RGS7: variants seen among roughly 807,000 people sequenced by gnomAD.
RGS7 encodes the protein regulator of G-protein signaling 7.
In RGS7, 27 loss-of-function variants were observed where a neutral mutation model predicts 81.1. That is an observed-to-expected ratio of 0.33 (90% CI 0.25 to 0.46). The LOEUF is 0.46. Ranked by LOEUF, RGS7 falls within the 20% of genes least tolerant of loss-of-function variation. RGS7 has a pLI of 1.00. For synonymous variants in RGS7, 208 were observed against 207.7 expected, an observed-to-expected ratio of 1.00 and a Z score of -0.01; for missense variants, 396 against 607.4, an observed-to-expected ratio of 0.65 and a Z score of 3.66.
intron 6 of RGS7, among the ~76,000 whole-genome samples, chr1:240,899,487 CA>C (rs1466166540): frequency 6.6e-6 from 1 of 152,140 alleles, no homozygotes; most frequent in Non-Finnish European, 1.5e-5. Flanking sequence ...CTGGTGGTGA[CA>C]AAATCTCTCA....
At chr1:240,897,242 C>T (rs1669239656) in intron 6 of RGS7, among the ~76,000 whole-genome samples, 1 of 152,186 alleles carries the variant, frequency 6.6e-6, no homozygotes, top group Non-Finnish European at 1.5e-5. Context: ...GACAATTTGA[C>T]TTCCTCTTTT....
At chr1:241,116,389 AG>A (rs1180662235) in intron 2 of RGS7, among the ~76,000 whole-genome samples, 2 of 152,148 alleles carry the variant, frequency 1.3e-5, no homozygotes, top group African/African-American at 4.8e-5. Context: ...ACTTAGGAAA[AG>A]GTACCGTATA....
intron 3 of RGS7, among the ~76,000 whole-genome samples, chr1:241,024,215 A>C (rs890179291): frequency 6.6e-6 from 1 of 152,250 alleles, no homozygotes; most frequent in South Asian, 2.1e-4. Context: ...ATAAGGAGGC[A>C]TGTGAAGCCT....
intron 2 of RGS7, among the ~76,000 whole-genome samples, chr1:241,174,311 T>C (rs2070947060): frequency 6.6e-6 from 1 of 152,230 alleles, no homozygotes; most frequent in Non-Finnish European, 1.5e-5. Context: ...GCAGTTTCTA[T>C]GTGTTACAAC....
At chr1:240,823,186 A>G in intron 10 of RGS7, 2 of 996,206 alleles carry the variant, frequency 2.0e-6, no homozygotes, top group African/African-American at 1.6e-5. Context: ...GAAGGTATGC[A>G]GGATAAGCGT....
chr1:241,236,118 G>T (rs1180037126), intron 2 of RGS7, among the ~76,000 whole-genome samples: 1 of 151,686 alleles, frequency 6.6e-6, no homozygotes, highest in African/African-American at 2.4e-5. Flanking sequence ...TTAAGAGAAA[G>T]TTACCAAGTG....
At chr1:241,040,554 T>C (rs56987125) in intron 3 of RGS7, among the ~76,000 whole-genome samples, 5,009 of 152,156 alleles carry the variant, frequency 0.033, 113 homozygotes, top group Non-Finnish European at 0.045. Flanking sequence ...CAGGCTGGAG[T>C]GCAGTGGCGC....
In RGS7 at chr1:240,868,429, T is replaced by C. The variant is rs1172458806; in HGVS notation, c.609+158A>G. ...ATACGATGCTATTGAGGTCTAGTCA[T>C]CCTACACAAAAGTGGTGATCTTTTC... On this transcript the variant is annotated intron_variant, in intron 9 of 18. Transcript: ENST00000440928. The surrounding 1 kb of genome is among the most constrained non-coding windows in gnomAD (Gnocchi z 5.1). 6.6e-6 allele frequency among the ~76,000 whole-genome samples: 1 copy of C among 152,182 alleles called. No individual in the cohort carries two copies. Among genetic ancestry groups the C allele is most frequent in the East Asian group, 1.9e-4 (1 of 5,184 alleles).
Position 241,310,464 on chromosome 1 carries a change from T to A in RGS7, c.78+45235A>T, listed in dbSNP as rs570683212. Reference sequence around the variant, plus strand: ...GTGTGTGAGTGTGTGTGTGTGAGAGTGTGTGTGTCTGTGTGTCTGTGTGTG... The same window carrying A: ...GTGTGTGAGTGTGTGTGTGTGAGAGAGTGTGTGTCTGTGTGTCTGTGTGTG... On this transcript the variant is annotated intron_variant, in intron 2 of 18. Transcript: ENST00000440928. Among the ~76,000 whole-genome samples the A allele has an allele frequency of 1.1e-3, 92 of 87,412 alleles. 2 individuals carry two copies. The highest frequency in any genetic ancestry group is 2.4e-3 in the African/African-American group (83 of 34,220). The allele number at this position is 87,412 out of a possible 152,430, so 57.3% of individuals were successfully genotyped here.
At chr1:240,982,599 G>T (rs1428602763) in intron 4 of RGS7, among the ~76,000 whole-genome samples, 2 of 151,926 alleles carry the variant, frequency 1.3e-5, no homozygotes, top group Non-Finnish European at 2.9e-5. Context: ...CTTAAATAGA[G>T]CGTTTCTCTC....
intron 4 of RGS7, among the ~76,000 whole-genome samples, chr1:240,944,252 T>G (rs1678105255): frequency 7.2e-6 from 1 of 138,210 alleles, no homozygotes; most frequent in Non-Finnish European, 1.5e-5. Context: ...AAGATTCTGT[T>G]ATATTATATG....
chr1:241,018,547 G>C (rs886605870), intron 3 of RGS7, among the ~76,000 whole-genome samples: 4 of 151,848 alleles, frequency 2.6e-5, no homozygotes, highest in Non-Finnish European at 5.9e-5. Context: ...TTGATTTGGG[G>C]GATATTCTTG....
rs80307458 is a variant in RGS7 at position 241,159,920 on chromosome 1, G to C, written c.79-61158C>G. Among the ~76,000 whole-genome samples, 1,881 of 152,004 alleles carry C rather than the reference G, an allele frequency of 0.012. 90 individuals are homozygous for C. The East Asian group carries it at 0.16, about 13-fold the overall frequency. On this transcript the variant is annotated intron_variant, in intron 2 of 18. Coordinates refer to ENST00000440928, the MANE Select transcript of RGS7 (RefSeq NM_001364886.1). ...CTTGGGTCATTTCATCATGCGTTTG[G>C]TAGAGCACTTACAACTTTATATTAA...
chr1:241,310,175 A>C (rs1466023361), intron 2 of RGS7, among the ~76,000 whole-genome samples: 1 of 152,200 alleles, frequency 6.6e-6, no homozygotes, highest in Non-Finnish European at 1.5e-5. Context: ...CTCCAGTCAA[A>C]CTTTCATTAC....
chr1:241,202,011 G>GACAGAC (rs1553282701), intron 2 of RGS7, among the ~76,000 whole-genome samples: 2 of 144,970 alleles, frequency 1.4e-5, no homozygotes, highest in African/African-American at 5.2e-5. Context: ...GACACACACA[G>GACAGAC]ACACACACAC....
At chr1:241,300,288 C>T (rs1462289041) in intron 2 of RGS7, among the ~76,000 whole-genome samples, 1 of 152,146 alleles carries the variant, frequency 6.6e-6, no homozygotes, top group Non-Finnish European at 1.5e-5. Flanking sequence ...TCATAATCAC[C>T]CGAAGTTCAT....
intron 2 of RGS7, among the ~76,000 whole-genome samples, chr1:241,269,645 A>T (rs2077767394): frequency 6.6e-6 from 1 of 152,206 alleles, no homozygotes; most frequent in Non-Finnish European, 1.5e-5. Context: ...GAAGGAGACA[A>T]ATTGAAAAGG....
At position 240,868,117 on chromosome 1, in the gene RGS7, G is replaced by GAAA. The variant is rs143103795; in HGVS notation, c.609+469_609+470insTTT. Among the ~76,000 whole-genome samples, 7 of 122,444 alleles carry GAAA rather than the reference G, an allele frequency of 5.7e-5. No individual in the cohort carries two copies. The highest frequency in any genetic ancestry group is 2.4e-4 in the African/African-American group (6 of 24,730). The allele number at this position is 122,444 out of a possible 152,430, so 80.3% of individuals were successfully genotyped here. On this transcript the variant is annotated intron_variant, in intron 9 of 18. Transcript: ENST00000440928. The surrounding 1 kb of genome is among the most constrained non-coding windows in gnomAD (Gnocchi z 5.1). Reference sequence around the variant, plus strand: ...GAAAAGAAAAAGAAAGAAAAGAAAAGGAAAGAAAGAAAGAAAGAAAGAAAG... The same window carrying GAAA: ...GAAAAGAAAAAGAAAGAAAAGAAAAGAAAGAAAGAAAGAAAGAAAGAAAGAAAG...
chr1:241,065,534 A>G (rs147803147), intron 3 of RGS7, among the ~76,000 whole-genome samples: 214 of 152,298 alleles, frequency 1.4e-3, no homozygotes, highest in Non-Finnish European at 1.9e-3. Flanking sequence ...ACGTTAACAC[A>G]TTATCTTTCT....
Sources: gnomAD v4.1 joint callset for allele counts (sites outside exome capture counted in the v4.1 genomes callset) on GRCh38, gnomAD v4.1.1 for gene constraint, Gnocchi (gnomAD v3.1) non-coding constraint, MANE v1.5 for transcripts, NCBI Gene and HGNC (gene_info 2026-07-23, HGNC 2026-07-21) for gene names.